The following PAICS variants were observed in gnomAD, a reference collection of about 807,000 sequenced individuals.
PAICS encodes bifunctional phosphoribosylaminoimidazole carboxylase/phosphoribosylaminoimidazole succinocarboxamide synthetase.
PAICS carries 33 observed loss-of-function variants against 53.7 expected under a neutral mutation model. The ratio of observed to expected loss-of-function variants is 0.61; its 90% CI spans 0.47 to 0.82. The LOEUF (loss-of-function observed/expected upper bound fraction) is 0.82. Ranked by LOEUF, PAICS falls within the 40% of genes least tolerant of loss-of-function variation. The probability of loss-of-function intolerance (pLI) is 0.00; values close to 1 mark genes in which losing one functional copy is unlikely to be tolerated. For synonymous variants in PAICS, 141 were observed against 167.2 expected, an observed-to-expected ratio of 0.84 and a Z score of 1.21; for missense variants, 394 against 494.1, an observed-to-expected ratio of 0.80 and a Z score of 1.92.
chr4:56,434,117 T>C (rs553437516), upstream of PAICS, among the ~76,000 whole-genome samples: 3 of 152,334 alleles, frequency 2.0e-5, no homozygotes, highest in Non-Finnish European at 4.4e-5. Context: ...AGAAATCTAT[T>C]ATGGTCAACC....
the PAICS span, among the ~76,000 whole-genome samples, chr4:56,414,557 C>T: frequency 2.0e-5 from 3 of 152,224 alleles, no homozygotes; most frequent in Non-Finnish European, 4.4e-5. Context: ...AAGACTTTCA[C>T]TTTAAAATCT....
chr4:56,445,596 AC>A (rs1189949310), intron 2 of PAICS, among the ~76,000 whole-genome samples: 2 of 152,148 alleles, frequency 1.3e-5, no homozygotes, highest in South Asian at 4.1e-4. Flanking sequence ...AACCAAAAAA[AC>A]AAAAAAACCT....
chr4:56,445,510 C>A (rs1718567845), intron 2 of PAICS, among the ~76,000 whole-genome samples: 1 of 152,062 alleles, frequency 6.6e-6, no homozygotes, highest in Admixed American at 6.6e-5. Context: ...TCTCTTGAAC[C>A]CAGGCGGCGG....
chr4:56,450,795 T>C, intron 6 of PAICS, 93 bp downstream of exon 6: 4 of 672,706 alleles, frequency 5.9e-6, no homozygotes, highest in Admixed American at 2.7e-5. Flanking sequence ...AGTATAGTGC[T>C]TTTCTTTTCA....
At chr4:56,431,935 A>G (rs1353238179), upstream of PAICS, among the ~76,000 whole-genome samples, 3 of 152,220 alleles carry the variant, frequency 2.0e-5, no homozygotes, top group African/African-American at 7.2e-5. Flanking sequence ...TACAGCTAAG[A>G]GGACATGTGA....
At chr4:56,446,253 A>C (rs1718609990) in intron 2 of PAICS, 4 of 616,180 alleles carry the variant, frequency 6.5e-6, no homozygotes, top group Middle Eastern at 2.5e-4. Flanking sequence ...GAACTTTTTC[A>C]TCATCCCAAA....
chr4:56,427,761 C>T, the PAICS span, among the ~76,000 whole-genome samples: 2 of 152,082 alleles, frequency 1.3e-5, no homozygotes, highest in Non-Finnish European at 2.9e-5. Context: ...TTCCCCCTGT[C>T]ACCCCCTGCT....
chr4:56,441,745 G>A lies in PAICS; in HGVS notation c.99G>A (p.Leu33=). Residue 33 remains leucine (L), a synonymous_variant, in exon 2 of 9, where the codon CTG becomes CTA. Coordinates refer to ENST00000512576, the MANE Select transcript of PAICS (RefSeq NM_001079524.2). ...ELLDSPGKVL[L]QSKDQITAGN... Reference sequence around the variant, plus strand: ...TAGACAGTCCAGGAAAAGTCCTCCTGCAGTCCAAGGACCAGATTACAGCAG... The same window carrying A: ...TAGACAGTCCAGGAAAAGTCCTCCTACAGTCCAAGGACCAGATTACAGCAG... 3.1e-6 allele frequency: 5 copies of A among 1,604,890 alleles called. No homozygotes were observed. The highest frequency in any genetic ancestry group is 1.7e-6 in the Non-Finnish European group (2 of 1,174,876).
At chr4:56,432,459 G>C (rs186012274), upstream of PAICS, among the ~76,000 whole-genome samples, 2 of 149,046 alleles carry the variant, frequency 1.3e-5, no homozygotes, top group Admixed American at 1.3e-4. Context: ...TTGGGAAACG[G>C]AGGTTGCAAT....
rs1479271149 is a variant in PAICS, at chr4:56,461,142, G to A, written c.*1604G>A. The A allele has an allele frequency of 6.6e-6, 1 of 152,146 alleles. No homozygotes were observed. The highest frequency in any genetic ancestry group is 1.5e-5 in the Non-Finnish European group (1 of 68,020). 9.4% of individuals were successfully genotyped at this position (152,146 alleles called of 1,614,324 possible). A position where few individuals can be genotyped will look rare whatever the true frequency, so the allele number is the denominator to read the frequency against. On this transcript the variant is annotated 3_prime_UTR_variant, in exon 9 of 9. Coordinates refer to ENST00000512576, the MANE Select transcript of PAICS (RefSeq NM_001079524.2). The stretch of plus-strand genomic sequence containing the variant: ...ATGTTCGCTGTCCATGAAACCTTCT[G>A]TAACCACAGTGACTACAAGTAGTTC...
At chr4:56,410,789 T>C in the PAICS span, 2 of 986,896 alleles carry the variant, frequency 2.0e-6, no homozygotes, top group Non-Finnish European at 2.4e-6. Context: ...CTTCCATGAT[T>C]TGGATGTAAT....
chr4:56,450,163 G>C (rs977057540), intron 5 of PAICS, among the ~76,000 whole-genome samples: 2 of 152,020 alleles, frequency 1.3e-5, no homozygotes, highest in African/African-American at 4.8e-5. Flanking sequence ...ACACACCGGG[G>C]CCTGTTGCAG....
intron 3 of PAICS, among the ~76,000 whole-genome samples, chr4:56,448,008 T>TTTC (rs1718702821): frequency 4.9e-5 from 1 of 20,226 alleles, no homozygotes; most frequent in African/African-American, 3.0e-4. Context: ...ATTTCTTTTC[T>TTTC]TTTTTTTTTT....
chr4:56,462,614 G>C lies in PAICS; in HGVS notation c.*3076G>C, dbSNP rs1233925807. The C allele has an allele frequency of 3.3e-5, 5 of 152,148 alleles. No homozygotes were observed. Among genetic ancestry groups the C allele is most frequent in the Admixed American group, 2.6e-4 (4 of 15,278 alleles). The allele number at this position is 152,148 out of a possible 1,614,324, so 9.4% of individuals were successfully genotyped here. On this transcript the variant is annotated 3_prime_UTR_variant, in exon 9 of 9. Coordinates refer to ENST00000512576, the MANE Select transcript of PAICS (RefSeq NM_001079524.2). Reference sequence around the variant, plus strand: ...GTGAGAATTACATGAGTCAATATATGTAAGGCCCATCATGGCACACAAATG... The same window carrying C: ...GTGAGAATTACATGAGTCAATATATCTAAGGCCCATCATGGCACACAAATG...
chr4:56,435,753 G>T, upstream of PAICS: 1 of 1,491,982 alleles, frequency 6.7e-7, no homozygotes, highest in Non-Finnish European at 8.9e-7. Flanking sequence ...GGTGGAGCTA[G>T]CCTTCCCCTA....
rs1254601229 is a variant in PAICS at position 56,461,748 on chromosome 4, G to A, written c.*2210G>A. On this transcript the variant is annotated 3_prime_UTR_variant, in exon 9 of 9. Coordinates refer to ENST00000512576, the MANE Select transcript of PAICS (RefSeq NM_001079524.2). ...GTTCATCAGTGCTAAATATTTGAAG[G>A]TATTTCTACTGTTTTGTAAAAGTAA... is the stretch of plus-strand genomic sequence containing the variant. 1 of 151,996 alleles carries A rather than the reference G, an allele frequency of 6.6e-6. No homozygotes were observed. 9.4% of individuals were successfully genotyped at this position (151,996 alleles called of 1,614,324 possible).
At chr4:56,457,945 G>A (rs1033749032) in intron 8 of PAICS, among the ~76,000 whole-genome samples, 1 of 152,076 alleles carries the variant, frequency 6.6e-6, no homozygotes, top group Non-Finnish European at 1.5e-5. Flanking sequence ...TATAGGCTCT[G>A]AGAATTAAAT....
At chr4:56,438,718 C>G (rs927417423) in intron 1 of PAICS, among the ~76,000 whole-genome samples, 3 of 152,024 alleles carry the variant, frequency 2.0e-5, no homozygotes, top group Non-Finnish European at 4.4e-5. Flanking sequence ...GGATTACAGG[C>G]GTGAGCCCAT....
chr4:56,416,380 G>A, the PAICS span: 2 of 904,214 alleles, frequency 2.2e-6, no homozygotes, highest in Non-Finnish European at 2.6e-6. Flanking sequence ...CAGTAGATAA[G>A]GAAGATGTCT....
Sources: allele counts gnomAD v4.1 joint callset (sites outside exome capture counted in the v4.1 genomes callset), GRCh38; gene constraint gnomAD v4.1.1; transcripts MANE v1.5; gene names NCBI Gene and HGNC (gene_info 2026-07-23, HGNC 2026-07-21).